The following LINGO1 variants were observed in gnomAD, a reference collection of about 807,000 sequenced individuals.
LINGO1 encodes the protein leucine-rich repeat and immunoglobulin-like domain-containing nogo receptor-interacting protein 1.
Under a neutral mutation model 37.3 loss-of-function variants are expected in LINGO1, and 11 were observed. The observed-to-expected ratio is 0.29, with a 90% CI of 0.19 to 0.49. LINGO1 has a LOEUF of 0.49. Ranked by LOEUF, LINGO1 falls within the 20% of genes least tolerant of loss-of-function variation. LINGO1 has a pLI of 0.99. For synonymous variants in LINGO1, 387 were observed against 403.0 expected (o/e 0.96, Z 0.48); for missense variants, 585 against 878.2 (o/e 0.67, Z 4.22).
chr15:77,643,331 G>C (rs112174297), intron 3 of LINGO1, among the ~76,000 whole-genome samples: 1 of 152,194 alleles, frequency 6.6e-6, no homozygotes. Context: ...AGGGCCCTGG[G>C]GCAGGACTGG....
intron 3 of LINGO1, among the ~76,000 whole-genome samples, chr15:77,675,401 T>A (rs1382817677): frequency 6.6e-6 from 1 of 152,192 alleles, no homozygotes; most frequent in Non-Finnish European, 1.5e-5. Flanking sequence ...ACAGGATTAA[T>A]AATTGATGAA....
In LINGO1 at chr15:77,801,881, C is replaced by T. The variant is rs990749577; in HGVS notation, c.-457-5828G>A. On this transcript the variant is annotated intron_variant, in intron 1 of 5. Transcript: ENST00000562933. Reference sequence around the variant, plus strand: ...AGCCAGGGCCTGTGACTCCTCAGCACGTCTCCGGGCCTCCCAGGCGAGGGT... The same window carrying T: ...AGCCAGGGCCTGTGACTCCTCAGCATGTCTCCGGGCCTCCCAGGCGAGGGT... Among the ~76,000 whole-genome samples the T allele has an allele frequency of 4.6e-5, 7 of 152,168 alleles. No individual in the cohort carries two copies. In the South Asian group the frequency reaches 8.3e-4, roughly 18 times the overall value.
At chr15:77,811,916 C>T (rs920643058) in intron 1 of LINGO1, among the ~76,000 whole-genome samples, 7 of 150,874 alleles carry the variant, frequency 4.6e-5, no homozygotes, top group South Asian at 2.1e-4. Context: ...TCTACTTTTT[C>T]GTATGTCTGA....
At chr15:77,702,721 T>C (rs910495912) in intron 2 of LINGO1, among the ~76,000 whole-genome samples, 1 of 152,164 alleles carries the variant, frequency 6.6e-6, no homozygotes, top group Admixed American at 6.5e-5. Context: ...ACCTCCAGTC[T>C]GCCTGGGCTA....
At chr15:77,629,286 G>A (rs534533654) in intron 1 of LINGO1, among the ~76,000 whole-genome samples, 8 of 146,348 alleles carry the variant, frequency 5.5e-5, no homozygotes, top group East Asian at 2.0e-4. Context: ...ATATTCATTC[G>A]TTCGCTTGTT....
rs2073667196 is a variant in LINGO1, at chr15:77,615,274, C to T, written c.633G>A (p.Leu211=). The T allele has an allele frequency of 6.2e-7, 1 of 1,613,796 alleles. No individual in the cohort carries two copies. The highest frequency in any genetic ancestry group is 8.5e-7 in the Non-Finnish European group (1 of 1,179,892). Residue 211 remains leucine (L), a synonymous_variant, in exon 2 of 2, where the codon CTG becomes CTA. Coordinates refer to ENST00000355300, the MANE Select transcript of LINGO1 (RefSeq NM_032808.7). ...CNLTSIPTEA[L]SHLHGLIVLR... Reference sequence around the variant, plus strand: ...GGACGATGAGGCCGTGCAGGTGGGACAGCGCCTCGGTGGGGATGGAGGTCA... The same window carrying T: ...GGACGATGAGGCCGTGCAGGTGGGATAGCGCCTCGGTGGGGATGGAGGTCA...
At chr15:77,666,702 G>T (rs2075138314) in intron 3 of LINGO1, among the ~76,000 whole-genome samples, 1 of 152,194 alleles carries the variant, frequency 6.6e-6, no homozygotes, top group African/African-American at 2.4e-5. Context: ...CTATAAAATG[G>T]AATGCTAAGT....
intron 1 of LINGO1, among the ~76,000 whole-genome samples, chr15:77,747,084 C>T (rs921986215): frequency 6.6e-6 from 1 of 152,238 alleles, no homozygotes; most frequent in Admixed American, 6.5e-5. Context: ...CCTCTTCAAA[C>T]CCTCCCTGCC....
chr15:77,777,158 G>T (rs968887617), intron 1 of LINGO1, among the ~76,000 whole-genome samples: 1 of 152,212 alleles, frequency 6.6e-6, no homozygotes, highest in East Asian at 1.9e-4. Context: ...CCTTTCCCCA[G>T]CCCCAGCCTC....
chr15:77,672,587 G>C (rs111758209), intron 3 of LINGO1, among the ~76,000 whole-genome samples: 6 of 152,240 alleles, frequency 3.9e-5, no homozygotes, highest in African/African-American at 1.4e-4. Flanking sequence ...GAGGACAGAA[G>C]GCAGGCATGG....
intron 1 of LINGO1, among the ~76,000 whole-genome samples, chr15:77,799,191 G>A (rs529948546): frequency 6.6e-6 from 1 of 152,276 alleles, no homozygotes; most frequent in South Asian, 2.1e-4. Context: ...TTCTACTTTT[G>A]TTAAGTACCT....
At chr15:77,630,781 T>G (rs896333102) in intron 1 of LINGO1, among the ~76,000 whole-genome samples, 1 of 152,184 alleles carries the variant, frequency 6.6e-6, no homozygotes, top group East Asian at 1.9e-4. Context: ...CTGCCTTCGC[T>G]AAGCCCCTTC....
upstream of LINGO1, among the ~76,000 whole-genome samples, chr15:77,696,711 T>G (rs1477813273): frequency 1.3e-5 from 2 of 152,284 alleles, no homozygotes; most frequent in East Asian, 3.9e-4. Flanking sequence ...GAACCCCACC[T>G]CCGGGCCCTC....
chr15:77,809,874 C>T (rs2076989118), intron 1 of LINGO1, among the ~76,000 whole-genome samples: 1 of 152,122 alleles, frequency 6.6e-6, no homozygotes, highest in Non-Finnish European at 1.5e-5. Flanking sequence ...GAGGTGGCTT[C>T]CTCTCCTTCC....
At chr15:77,685,103 TG>T (rs1170390920) in intron 2 of LINGO1, among the ~76,000 whole-genome samples, 22 of 26,458 alleles carry the variant, frequency 8.3e-4, no homozygotes, top group Non-Finnish European at 1.4e-3. Flanking sequence ...GTGTGGGGAG[TG>T]GGGGTAAGAG....
At chr15:77,743,363 T>A (rs2076283564) in intron 1 of LINGO1, among the ~76,000 whole-genome samples, 1 of 152,140 alleles carries the variant, frequency 6.6e-6, no homozygotes, top group Non-Finnish European at 1.5e-5. Context: ...AGGAGGGGCA[T>A]GACTCCTTTC....
intron 1 of LINGO1, among the ~76,000 whole-genome samples, chr15:77,774,481 C>T (rs1161805525): frequency 3.9e-5 from 6 of 152,154 alleles, no homozygotes; most frequent in Non-Finnish European, 7.3e-5. Flanking sequence ...TCTCCAACCC[C>T]GCCGGGAACC....
chr15:77,631,823 G>T (rs1285315661), intron 1 of LINGO1, among the ~76,000 whole-genome samples: 1 of 152,232 alleles, frequency 6.6e-6, no homozygotes, highest in African/African-American at 2.4e-5. Flanking sequence ...GCTTGTGTGT[G>T]GTGGGGAGCT....
chr15:77,774,667 T>C (rs1198382184), intron 1 of LINGO1, among the ~76,000 whole-genome samples: 4 of 152,010 alleles, frequency 2.6e-5, no homozygotes, highest in Non-Finnish European at 5.9e-5. Flanking sequence ...CCCATCCAGT[T>C]TGGGGCCCAG....
Sources: allele counts gnomAD v4.1 joint callset (sites outside exome capture counted in the v4.1 genomes callset), GRCh38; gene constraint gnomAD v4.1.1; transcripts MANE v1.5; gene names NCBI Gene and HGNC (gene_info 2026-07-23, HGNC 2026-07-21).